Variants in CKAP5 observed in about 807,000 individuals in gnomAD.
CKAP5 encodes cytoskeleton associated protein 5, also known as cytoskeleton-associated protein 5.
CKAP5 carries 27 observed loss-of-function variants against 232.8 expected under a neutral mutation model. The observed-to-expected ratio is 0.12, with a 90% CI of 0.09 to 0.16. The LOEUF (loss-of-function observed/expected upper bound fraction) is 0.16, where lower values mean the gene tolerates loss of function less well. Ranked by LOEUF, CKAP5 falls within the 10% of genes least tolerant of loss-of-function variation. CKAP5 has a pLI of 1.00. For missense variants in CKAP5, 1,838 were observed against 2,424.7 expected, an observed-to-expected ratio of 0.76 and a Z score of 5.08; for synonymous variants, 785 against 841.1, an observed-to-expected ratio of 0.93 and a Z score of 1.16.
In CKAP5 at chr11:46,777,568, C is replaced by G. The variant is rs1283935807; in HGVS notation, c.2749-16G>C. On this transcript the variant is annotated splice_polypyrimidine_tract_variant and intron_variant, in intron 22 of 43. Coordinates refer to ENST00000529230, the MANE Select transcript of CKAP5 (RefSeq NM_001008938.4). Reference sequence around the variant, plus strand: ...TTTGCTGTACCTGAGTGGAAAGAGCCAATACTTTATGTTGAAACGATAAGC... The same window carrying G: ...TTTGCTGTACCTGAGTGGAAAGAGCGAATACTTTATGTTGAAACGATAAGC... 6.5e-7 allele frequency: 1 copy of G among 1,530,876 alleles called. No homozygotes were observed. The highest frequency in any genetic ancestry group is 1.7e-5 in the Admixed American group (1 of 59,810). 94.8% of individuals were successfully genotyped at this position (1,530,876 alleles called of 1,614,324 possible).
At chr11:46,747,596 C>T (rs1477130273) in intron 42 of CKAP5, among the ~76,000 whole-genome samples, 6 of 125,236 alleles carry the variant, frequency 4.8e-5, no homozygotes, top group African/African-American at 9.1e-5. Context: ...AGCAAGACTT[C>T]ATCTCAAAAA....
chr11:46,753,060 TTTTA>T (rs1164805966), intron 37 of CKAP5: 2 of 446,488 alleles, frequency 4.5e-6, no homozygotes, highest in Non-Finnish European at 7.9e-6. Flanking sequence ...TATTTACTAG[TTTTA>T]GCTATGGTCT....
In CKAP5 at chr11:46,763,111, C is replaced by T. The variant is rs1040680801; in HGVS notation, c.3756G>A (p.Arg1252=). ...LDLILKWLTL[R]FFDTNTSVLM... ...GGACGCTTGTATTGGTGTCAAAAAACCTCAGGGTAAGCCACTTTAAGATAA... is the reference window on the plus strand; with the variant it reads ...GGACGCTTGTATTGGTGTCAAAAAATCTCAGGGTAAGCCACTTTAAGATAA... The change falls in exon 30 of 44, where the codon AGG becomes AGA. Residue 1252 remains arginine, a synonymous_variant. Transcript: ENST00000529230. 2 of 1,613,876 alleles carry T rather than the reference C, an allele frequency of 1.2e-6. No homozygotes were observed. The highest frequency in any genetic ancestry group is 1.7e-4 in the Middle Eastern group (1 of 6,042).
Position 46,778,162 on chromosome 11 carries a change from G to A in CKAP5, c.2725C>T (p.Leu909Phe), listed in dbSNP as rs2134619113. The A allele has an allele frequency of 6.2e-7, 1 of 1,613,852 alleles. No individual in the cohort carries two copies. The highest frequency in any genetic ancestry group is 8.5e-7 in the Non-Finnish European group (1 of 1,179,912). Residue 909 changes from leucine (L) to phenylalanine (F), a missense_variant, in exon 22 of 44, where the codon CTC becomes TTC. By Grantham distance (22) the Leu-to-Phe change is conservative (BLOSUM62 0). Coordinates refer to ENST00000529230, the MANE Select transcript of CKAP5 (RefSeq NM_001008938.4). ...ACCAAGATTTTATTTGAATCATTGA[G>A]TCGACCCTTCAAGGCAGTTGGAAGT... is the stretch of plus-strand genomic sequence containing the variant. ...GELPTALKGR[L>F]NDSNKILVQQ...
intron 10 of CKAP5, 38 bp from the exon 11 acceptor site, chr11:46,798,007 T>C (rs766116902): frequency 1.9e-6 from 3 of 1,606,712 alleles, no homozygotes; most frequent in African/African-American, 1.3e-5. Context: ...CTTTTTTCAA[T>C]TGTAAAGAAC....
chr11:46,813,470 T>C (rs1025768631), intron 4 of CKAP5, among the ~76,000 whole-genome samples: 1 of 152,164 alleles, frequency 6.6e-6, no homozygotes, highest in Non-Finnish European at 1.5e-5. Context: ...TAAAACCTAA[T>C]TTTGATACTA....
chr11:46,747,862 C>G (rs1378541469), intron 42 of CKAP5, among the ~76,000 whole-genome samples: 1 of 151,984 alleles, frequency 6.6e-6, no homozygotes, highest in African/African-American at 2.4e-5. Context: ...GAGTTAGAGA[C>G]CAGCCTGGGC....
At chr11:46,771,939 A>T (rs1364486236) in intron 24 of CKAP5, among the ~76,000 whole-genome samples, 1 of 151,798 alleles carries the variant, frequency 6.6e-6, no homozygotes. Flanking sequence ...TCACGTTACC[A>T]TTATTTTTAA....
chr11:46,750,037 G>A (rs543662070), intron 42 of CKAP5, among the ~76,000 whole-genome samples: 85 of 152,228 alleles, frequency 5.6e-4, no homozygotes, highest in African/African-American at 2.0e-3. Context: ...AGAACTGGAA[G>A]CGAAGTGAAG....
chr11:46,759,512 C>A (rs2065138978), intron 33 of CKAP5, 70 bp from the exon 34 acceptor site: 2 of 1,454,634 alleles, frequency 1.4e-6, no homozygotes, highest in South Asian at 2.7e-5. Flanking sequence ...GTAGCACTGT[C>A]AGTTGCCCCA....
At chr11:46,808,689 T>C (rs1157667261) in intron 7 of CKAP5, among the ~76,000 whole-genome samples, 1 of 152,148 alleles carries the variant, frequency 6.6e-6, no homozygotes, top group Non-Finnish European at 1.5e-5. Context: ...GCCATAGACG[T>C]TTCATTCTCA....
chr11:46,776,110 A>C, intron 24 of CKAP5, 145 bp downstream of exon 24: 1 of 591,100 alleles, frequency 1.7e-6, no homozygotes, highest in East Asian at 3.2e-5. Context: ...CATGAATACA[A>C]AGGCCCCAGG....
In CKAP5 at chr11:46,780,253, T is replaced by C; in HGVS notation, c.2374A>G (p.Met792Val). The change falls in exon 20 of 44, where the codon ATG (methionine) becomes GTG (valine). Residue 792 changes from methionine (M) to valine (V), a missense_variant. Coordinates refer to ENST00000529230, the MANE Select transcript of CKAP5 (RefSeq NM_001008938.4). ...GCAGGCTTCTCATCCTCAAAGAACA[T>C]TCGCAAAGAGGGACCAACATACAGA... ...MYLYVGPSLR[M>V]FFEDEKPALL... is the part of the protein sequence containing the mutation. 6.2e-7 allele frequency: 1 copy of C among 1,614,004 alleles called. No individual in the cohort carries two copies. Among genetic ancestry groups the C allele is most frequent in the Non-Finnish European group, 8.5e-7 (1 of 1,179,950 alleles).
intron 1 of CKAP5, among the ~76,000 whole-genome samples, chr11:46,844,668 G>T (rs1186638749): frequency 6.6e-6 from 1 of 152,066 alleles, no homozygotes; most frequent in East Asian, 1.9e-4. Context: ...TTGAGACAGA[G>T]GGTCGCTCTG....
At position 46,763,144 on chromosome 11, in the gene CKAP5, G is replaced by C; in HGVS notation, c.3723C>G (p.Cys1241Trp). The C allele has an allele frequency of 6.2e-7, 1 of 1,613,582 alleles. No homozygotes were observed. ...LESEKEGVIG[C>W]LDLILKWLTL... ...TAAGCCACTTTAAGATAAGATCCAG[G>C]CAACCAATAACTCCTTCTTTTTCAC... is the stretch of plus-strand genomic sequence containing the variant. The change falls in exon 30 of 44, where the codon TGC (cysteine) becomes TGG (tryptophan). Residue 1241 changes from cysteine to tryptophan, a missense_variant. By Grantham distance (215) the Cys-to-Trp change is radical (BLOSUM62 -2). This residue lies in a region of CKAP5 where 48 missense variants were observed against 98.1 expected (regional missense o/e 0.49). Transcript: ENST00000529230.
rs112507008 is a variant in CKAP5 at position 46,762,898 on chromosome 11, G to T, written c.3891+78C>A. 0.011 allele frequency: 15,788 copies of T among 1,468,672 alleles called. 124 individuals are homozygous for T. The highest frequency in any genetic ancestry group is 0.016 in the African/African-American group (1,128 of 71,374). 91.0% of individuals were successfully genotyped at this position (1,468,672 alleles called of 1,614,324 possible). A position where few individuals can be genotyped will look rare whatever the true frequency, so the allele number is the denominator to read the frequency against. ...GTACCGTGATATAATCAGTAAAAAA[G>T]GGAGAGGAAATAAAAGTACAGAAAC... On this transcript the variant is annotated intron_variant, in intron 30 of 43. Transcript: ENST00000529230.
At chr11:46,804,198 C>T (rs534291905) in intron 8 of CKAP5, among the ~76,000 whole-genome samples, 85 of 152,314 alleles carry the variant, frequency 5.6e-4, no homozygotes, top group African/African-American at 2.0e-3. Flanking sequence ...TACTGCGAAT[C>T]TGTTAAATTT....
rs1285426173 is a variant in CKAP5, at chr11:46,753,414, C to T, written c.4953G>A (p.Leu1651=). 1 of 1,613,758 alleles carries T rather than the reference C, an allele frequency of 6.2e-7. No homozygotes were observed. The highest frequency in any genetic ancestry group is 8.5e-7 in the Non-Finnish European group (1 of 1,179,942). ...CCTCAAGATCTTCAATCCGAGAATC[C>T]AGCATTAAGGTGATGAGGCCATGCA... The part of the protein sequence containing the change: ...DLMHGLITLM[L]DSRIEDLEEG... Residue 1651 remains leucine, a synonymous_variant, in exon 37 of 44, where the codon CTG becomes CTA. Coordinates refer to ENST00000529230, the MANE Select transcript of CKAP5 (RefSeq NM_001008938.4).
At chr11:46,757,149 C>T (rs138877465) in intron 35 of CKAP5, among the ~76,000 whole-genome samples, 2 of 152,026 alleles carry the variant, frequency 1.3e-5, no homozygotes, top group Non-Finnish European at 2.9e-5. Flanking sequence ...TTAGAATTAT[C>T]AGCAAAGTGA....
Sources: allele counts gnomAD v4.1 joint callset (sites outside exome capture counted in the v4.1 genomes callset), GRCh38; gene constraint gnomAD v4.1.1; regional missense constraint gnomAD v4.1.1; transcripts MANE v1.5; gene names NCBI Gene and HGNC (gene_info 2026-07-23, HGNC 2026-07-21).